Variants in UBA2 observed in about 807,000 individuals in gnomAD.
UBA2 encodes ubiquitin like modifier activating enzyme 2.
UBA2 carries 11 observed loss-of-function variants against 77.2 expected under a neutral mutation model. The ratio of observed to expected loss-of-function variants is 0.14; its 90% CI spans 0.09 to 0.24. The LOEUF is 0.24. Among genes scored for constraint, UBA2 ranks in the 10% least tolerant of loss-of-function variants. The pLI is 1.00. For missense variants in UBA2, 487 were observed against 781.7 expected (o/e 0.62, Z 4.50); for synonymous variants, 278 against 276.7 (o/e 1.00, Z -0.05).
At chr19:34,439,951 T>C (rs1184239441) in intron 6 of UBA2, among the ~76,000 whole-genome samples, 1 of 151,710 alleles carries the variant, frequency 6.6e-6, no homozygotes. Context: ...TTAAATAGGC[T>C]ATAAGAAAAA....
intron 12 of UBA2, among the ~76,000 whole-genome samples, chr19:34,455,012 G>A (rs773851430): frequency 6.6e-5 from 10 of 152,072 alleles, no homozygotes; most frequent in African/African-American, 1.2e-4. Flanking sequence ...GCTATTTCTC[G>A]TAGTGATTTG....
intron 4 of UBA2, among the ~76,000 whole-genome samples, chr19:34,434,049 TACTAAGTGAGTTTACAAC>T (rs1018159393): frequency 5.3e-5 from 8 of 152,174 alleles, no homozygotes; most frequent in Non-Finnish European, 1.2e-4. Flanking sequence ...AAAGTATATC[TACTAAGTGAGTTTACAAC>T]AAGTTGGGCC....
chr19:34,460,575 C>G lies in UBA2; in HGVS notation c.1498+9C>G. On this transcript the variant is annotated intron_variant, in intron 14 of 16. Coordinates refer to ENST00000246548, the MANE Select transcript of UBA2 (RefSeq NM_005499.3). ...AGAGGGAGAGACGGAAGGTATCATA[C>G]ATTGTATTTATTCATTCCTCTCATT... The G allele has an allele frequency of 1.3e-6, 2 of 1,572,428 alleles. No individual in the cohort carries two copies.
At chr19:34,455,228 A>G (rs2075545037) in intron 12 of UBA2, among the ~76,000 whole-genome samples, 1 of 152,176 alleles carries the variant, frequency 6.6e-6, no homozygotes, top group Non-Finnish European at 1.5e-5. Context: ...CACGTGCCCT[A>G]TGTTATTGTC....
rs1039895302 is a variant in UBA2 at position 34,450,826 on chromosome 19, G to A, written c.871+462G>A. Reference sequence around the variant, plus strand: ...CGCAGTGGCACGATCTCAGCTCACCGCAACCTGGGTTCAAGCGATTCTCCC... The same window carrying A: ...CGCAGTGGCACGATCTCAGCTCACCACAACCTGGGTTCAAGCGATTCTCCC... On this transcript the variant is annotated intron_variant, in intron 9 of 16. Coordinates refer to ENST00000246548, the MANE Select transcript of UBA2 (RefSeq NM_005499.3). 4.7e-5 allele frequency among the ~76,000 whole-genome samples: 6 copies of A among 128,972 alleles called. No homozygotes were observed. The East Asian group carries it at 7.9e-4, about 17-fold the overall frequency. 84.6% of individuals were successfully genotyped at this position (128,972 alleles called of 152,430 possible). A position where few individuals can be genotyped will look rare whatever the true frequency, so the allele number is the denominator to read the frequency against.
At chr19:34,429,218 T>C in intron 1 of UBA2, 1 of 981,964 alleles carries the variant, frequency 1.0e-6, no homozygotes, top group Non-Finnish European at 1.2e-6. Context: ...GCTCTCACAG[T>C]AGACGGTACA....
At chr19:34,462,800 T>C (rs745852508) in intron 14 of UBA2, among the ~76,000 whole-genome samples, 1 of 152,072 alleles carries the variant, frequency 6.6e-6, no homozygotes, top group African/African-American at 2.4e-5. Flanking sequence ...ACCTCATCTC[T>C]TGTAAAAATA....
At chr19:34,457,579 G>A (rs2075582171) in intron 12 of UBA2, among the ~76,000 whole-genome samples, 2 of 152,154 alleles carry the variant, frequency 1.3e-5, no homozygotes, top group African/African-American at 4.8e-5. Context: ...TTTGCTTCTA[G>A]CCCTTCCACC....
At chr19:34,451,243 T>A (rs1229989331) in intron 9 of UBA2, among the ~76,000 whole-genome samples, 1 of 152,146 alleles carries the variant, frequency 6.6e-6, no homozygotes, top group East Asian at 1.9e-4. Context: ...TTGTCTCTCC[T>A]TTATCTGAAC....
intron 5 of UBA2, among the ~76,000 whole-genome samples, chr19:34,437,603 C>T (rs1169721051): frequency 2.0e-5 from 3 of 151,856 alleles, no homozygotes; most frequent in Non-Finnish European, 4.4e-5. Flanking sequence ...AGCGAAATTC[C>T]GTCTCAGACA....
chr19:34,430,163 C>T (rs938280986), intron 1 of UBA2: 2 of 154,656 alleles, frequency 1.3e-5, no homozygotes, highest in African/African-American at 2.4e-5. Flanking sequence ...CTCACTTTGT[C>T]CTCCCAAAGT....
chr19:34,437,380 C>T (rs575042460), intron 5 of UBA2, among the ~76,000 whole-genome samples: 14 of 150,848 alleles, frequency 9.3e-5, no homozygotes, highest in Admixed American at 6.6e-5. Flanking sequence ...GAGGCCAAGG[C>T]GGGCGGATCA....
chr19:34,450,414 C>T (rs761155964), intron 9 of UBA2, 50 bp downstream of exon 9: 8 of 1,342,880 alleles, frequency 6.0e-6, no homozygotes, highest in East Asian at 4.8e-5. Flanking sequence ...AATATCCTCG[C>T]GTAAAGTCTT....
At chr19:34,431,666 TATTTTATAAGTATAAAAGTATA>T (rs1269452869) in intron 2 of UBA2, among the ~76,000 whole-genome samples, 173 bp from the exon 3 acceptor site, 1 of 152,160 alleles carries the variant, frequency 6.6e-6, no homozygotes, top group Non-Finnish European at 1.5e-5. Flanking sequence ...GCTCTCCGGT[TATTTTATAAGTATAAAAGTATA>T]ATTTTATAAG....
At chr19:34,445,848 TC>T (rs1297171133) in intron 8 of UBA2, among the ~76,000 whole-genome samples, 1 of 152,216 alleles carries the variant, frequency 6.6e-6, no homozygotes, top group Non-Finnish European at 1.5e-5. Context: ...AAATCCCTCT[TC>T]ATCAGTAGTA....
At chr19:34,428,916 G>C (rs1220280415) in intron 1 of UBA2, 1 of 1,000,896 alleles carries the variant, frequency 1.0e-6, no homozygotes, top group East Asian at 1.0e-4. Context: ...GGAGAGGATT[G>C]AGTCCCTCGC....
At chr19:34,436,190 CTT>C (rs1568368786) in intron 5 of UBA2, among the ~76,000 whole-genome samples, 1 of 151,720 alleles carries the variant, frequency 6.6e-6, no homozygotes, top group East Asian at 1.9e-4. Context: ...ACTTTGAAAA[CTT>C]TTTAGGGGTG....
intron 9 of UBA2, among the ~76,000 whole-genome samples, chr19:34,451,650 C>G (rs890824987): frequency 1.6e-4 from 24 of 150,460 alleles, no homozygotes; most frequent in Non-Finnish European, 3.4e-4. Flanking sequence ...CGGGTTCGCG[C>G]CATTCTCCTG....
chr19:34,450,742 C>CTTTTTTTTTTT (rs59580124), intron 9 of UBA2, among the ~76,000 whole-genome samples: 4 of 83,402 alleles, frequency 4.8e-5, no homozygotes, highest in Non-Finnish European at 8.5e-5. Context: ...TTATGTATAT[C>CTTTTTTTTTTT]TTTTTTTTTT....
Sources: allele counts gnomAD v4.1 joint callset (sites outside exome capture counted in the v4.1 genomes callset), GRCh38; gene constraint gnomAD v4.1.1; transcripts MANE v1.5; gene names NCBI Gene and HGNC (gene_info 2026-07-23, HGNC 2026-07-21).